Variants in EPM2A observed in about 807,000 individuals in gnomAD.
The protein encoded by EPM2A is EPM2A glucan phosphatase, laforin.
EPM2A carries 21 observed loss-of-function variants against 26.5 expected under a neutral mutation model. The observed-to-expected ratio is 0.79, with a 90% CI of 0.56 to 1.14. The LOEUF (loss-of-function observed/expected upper bound fraction) is 1.14, where lower values mean the gene tolerates loss of function less well. Ranked by LOEUF, EPM2A falls within the 50% of genes most tolerant of loss-of-function variation. The pLI is 0.00. For synonymous variants in EPM2A, 217 were observed against 177.6 expected (o/e 1.22, Z -1.76); for missense variants, 458 against 440.8 (o/e 1.04, Z -0.35).
intron 2 of EPM2A, among the ~76,000 whole-genome samples, chr6:145,583,749 G>C (rs1009234044): frequency 6.6e-6 from 1 of 152,258 alleles, no homozygotes; most frequent in East Asian, 1.9e-4. Flanking sequence ...ATTCACAGTG[G>C]TGATGGAATG....
At chr6:145,400,787 T>C (rs1328271578) in intron 4 of EPM2A, among the ~76,000 whole-genome samples, 1 of 149,472 alleles carries the variant, frequency 6.7e-6, no homozygotes, top group Non-Finnish European at 1.5e-5. Flanking sequence ...TTAGCCAAAC[T>C]GTTCACCATA....
chr6:145,569,845 T>C (rs1016971542), intron 2 of EPM2A, among the ~76,000 whole-genome samples: 39 of 131,614 alleles, frequency 3.0e-4, no homozygotes, highest in Non-Finnish European at 5.0e-4. Flanking sequence ...AAAGAACTAA[T>C]GGAATATACA....
At chr6:145,400,330 A>T (rs1778465958) in intron 4 of EPM2A, among the ~76,000 whole-genome samples, 1 of 152,186 alleles carries the variant, frequency 6.6e-6, no homozygotes, top group Non-Finnish European at 1.5e-5. Context: ...GATAAACCTT[A>T]AAAACTGATG....
intron 4 of EPM2A, among the ~76,000 whole-genome samples, chr6:145,466,314 C>A (rs1779392547): frequency 1.3e-5 from 2 of 151,954 alleles, no homozygotes; most frequent in South Asian, 4.2e-4. Flanking sequence ...CAAACAACCC[C>A]ATCAAAAAGT....
At chr6:145,698,609 A>G (rs1418579790) in intron 1 of EPM2A, among the ~76,000 whole-genome samples, 1 of 101,636 alleles carries the variant, frequency 9.8e-6, no homozygotes, top group Non-Finnish European at 2.2e-5. Flanking sequence ...GAAACATAAT[A>G]GAAAAAAAAA....
At chr6:145,714,160 T>C (rs1417793820) in intron 1 of EPM2A, among the ~76,000 whole-genome samples, 1 of 152,232 alleles carries the variant, frequency 6.6e-6, no homozygotes, top group African/African-American at 2.4e-5. Context: ...GATAGTTACA[T>C]AACATTTTGT....
At chr6:145,489,762 C>G in intron 4 of EPM2A, 2 of 1,447,188 alleles carry the variant, frequency 1.4e-6, no homozygotes, top group Middle Eastern at 3.5e-4. Flanking sequence ...ATCTGCTTGG[C>G]TAGGTTCTCT....
intron 4 of EPM2A, chr6:145,491,703 G>A (rs1582795981): frequency 4.2e-6 from 2 of 471,122 alleles, no homozygotes; most frequent in South Asian, 1.6e-5. Flanking sequence ...CCGGGGACCT[G>A]TCCTCCTTTG....
At chr6:145,705,807 T>C (rs1003196294) in intron 1 of EPM2A, 4 of 453,296 alleles carry the variant, frequency 8.8e-6, no homozygotes, top group African/African-American at 8.0e-5. Flanking sequence ...GATATACTTC[T>C]TCAACAGAGC....
At chr6:145,615,791 G>A (rs1396064111) in intron 2 of EPM2A, among the ~76,000 whole-genome samples, 1 of 152,080 alleles carries the variant, frequency 6.6e-6, no homozygotes, top group Non-Finnish European at 1.5e-5. Context: ...GTGGCATTTT[G>A]CCCCTCCCCG....
chr6:145,584,195 G>A (rs930760539), intron 2 of EPM2A, among the ~76,000 whole-genome samples: 5 of 152,144 alleles, frequency 3.3e-5, no homozygotes, highest in Non-Finnish European at 7.4e-5. Context: ...GAAGTGGAGT[G>A]GGGAAGGCTG....
chr6:145,629,331 C>G (rs1036331175), intron 3 of EPM2A: 1 of 152,218 alleles, frequency 6.6e-6, no homozygotes, highest in Non-Finnish European at 1.5e-5. Flanking sequence ...GAACTTTAAC[C>G]CATCTAAACC....
chr6:145,625,290 T>A, downstream of EPM2A: 1 of 162,318 alleles, frequency 6.2e-6, no homozygotes, highest in South Asian at 1.7e-4. Flanking sequence ...ATTTTAAAAA[T>A]CCTGTACAGA....
At chr6:145,603,750 T>C (rs1781446934) in intron 2 of EPM2A, among the ~76,000 whole-genome samples, 1 of 152,208 alleles carries the variant, frequency 6.6e-6, no homozygotes, top group African/African-American at 2.4e-5. Context: ...TTCTGAACTA[T>C]CTAAAAATCT....
chr6:145,714,603 C>G (rs1775515350), intron 1 of EPM2A, among the ~76,000 whole-genome samples: 1 of 152,114 alleles, frequency 6.6e-6, no homozygotes, highest in Non-Finnish European at 1.5e-5. Context: ...CTGAGAAAGG[C>G]AATTTACAAA....
intron 4 of EPM2A, among the ~76,000 whole-genome samples, chr6:145,456,189 G>C (rs1453713006): frequency 6.6e-6 from 1 of 152,134 alleles, no homozygotes; most frequent in Admixed American, 6.5e-5. Flanking sequence ...TGAATTTACT[G>C]CTATGATAGT....
At chr6:145,601,192 T>G (rs1344651960) in intron 2 of EPM2A, among the ~76,000 whole-genome samples, 1 of 152,230 alleles carries the variant, frequency 6.6e-6, no homozygotes, top group East Asian at 1.9e-4. Flanking sequence ...TTCTGTCTTT[T>G]GATTAAACCC....
In EPM2A at chr6:145,480,476, C is replaced by T. The variant is rs964307198; in HGVS notation, c.555+22046G>A. Reference sequence around the variant, plus strand: ...GAACACAAACCCAAATCTTAACAAGCTGTAAGAGATCTTTTTATATCTTGA... The same window carrying T: ...GAACACAAACCCAAATCTTAACAAGTTGTAAGAGATCTTTTTATATCTTGA... On this transcript the variant is annotated intron_variant, in intron 4 of 4. Coordinates refer to the EPM2A transcript ENST00000638717. 2.6e-5 allele frequency among the ~76,000 whole-genome samples: 4 copies of T among 152,192 alleles called. No homozygotes were observed. In the East Asian group the frequency reaches 5.8e-4, roughly 22 times the overall value.
At chr6:145,615,018 C>T (rs931935879) in intron 2 of EPM2A, among the ~76,000 whole-genome samples, 2 of 152,184 alleles carry the variant, frequency 1.3e-5, no homozygotes, top group Non-Finnish European at 2.9e-5. Context: ...TTAGTACACA[C>T]AGCAAGCAAT....
Sources: gnomAD v4.1 joint callset for allele counts (sites outside exome capture counted in the v4.1 genomes callset) on GRCh38, gnomAD v4.1.1 for gene constraint, MANE v1.5 for transcripts, NCBI Gene and HGNC (gene_info 2026-07-23, HGNC 2026-07-21) for gene names.